The following GSE1 variants were observed in gnomAD, a reference collection of about 807,000 sequenced individuals.
GSE1 encodes Gse1 coiled-coil protein.
In GSE1, 32 loss-of-function variants were observed where a neutral mutation model predicts 112.6. The ratio of observed to expected loss-of-function variants is 0.28; its 90% confidence interval spans 0.21 to 0.38. The LOEUF (loss-of-function observed/expected upper bound fraction) is 0.38, where lower values mean the gene tolerates loss of function less well. GSE1 is among the 10% of genes least tolerant of loss of function. The probability of loss-of-function intolerance (pLI) is 1.00; values close to 1 mark genes in which losing one functional copy is unlikely to be tolerated. For synonymous variants in GSE1, 1,115 were observed against 735.6 expected, an observed-to-expected ratio of 1.52 and a Z score of -8.35; for missense variants, 2,348 against 1,699.2, an observed-to-expected ratio of 1.38 and a Z score of -6.71.
intron 2 of GSE1, among the ~76,000 whole-genome samples, chr16:85,424,662 G>A (rs2048926385): frequency 1.3e-5 from 2 of 152,222 alleles, no homozygotes; most frequent in African/African-American, 4.8e-5. Context: ...GGCTGCTTGG[G>A]AACACCTGCT....
intron 1 of GSE1, among the ~76,000 whole-genome samples, chr16:85,304,945 C>G (rs535306161): frequency 6.6e-6 from 1 of 152,252 alleles, no homozygotes. Flanking sequence ...TGCTTCCTGA[C>G]TGTCCAACCC....
At chr16:85,242,257 C>T (rs75373763) in intron 1 of GSE1, among the ~76,000 whole-genome samples, 37 of 152,352 alleles carry the variant, frequency 2.4e-4, no homozygotes, top group African/African-American at 7.7e-4. Flanking sequence ...CCCCAGCCCC[C>T]CTGCAAGCAG....
At chr16:85,523,986 G>A (rs1176398955) in intron 2 of GSE1, among the ~76,000 whole-genome samples, 1 of 152,178 alleles carries the variant, frequency 6.6e-6, no homozygotes, top group Non-Finnish European at 1.5e-5. Context: ...GAGGGCTTTT[G>A]GGGTGATGCT....
At chr16:85,656,872 G>A (rs1415806175) in intron 7 of GSE1, among the ~76,000 whole-genome samples, 4 of 152,260 alleles carry the variant, frequency 2.6e-5, no homozygotes, top group East Asian at 1.9e-4. Flanking sequence ...ACCCCAGGAG[G>A]ACAGTTGTGA....
At chr16:85,621,356 G>C (rs2048731185) in intron 1 of GSE1, among the ~76,000 whole-genome samples, 1 of 152,250 alleles carries the variant, frequency 6.6e-6, no homozygotes, top group Admixed American at 6.5e-5. Flanking sequence ...AAAAAGGTTT[G>C]TGTCCACCGC....
At chr16:85,334,331 C>T (rs939679825) in intron 1 of GSE1, among the ~76,000 whole-genome samples, 1 of 152,234 alleles carries the variant, frequency 6.6e-6, no homozygotes, top group Non-Finnish European at 1.5e-5. Flanking sequence ...GTCATCCACG[C>T]CTCACAGCAT....
chr16:85,486,922 T>C (rs2050860948), intron 2 of GSE1, among the ~76,000 whole-genome samples: 1 of 152,146 alleles, frequency 6.6e-6, no homozygotes, highest in African/African-American at 2.4e-5. Flanking sequence ...GGCGAAAGTA[T>C]AGTTTTTTAC....
intron 2 of GSE1, among the ~76,000 whole-genome samples, chr16:85,468,389 T>C (rs2050186588): frequency 7.1e-6 from 1 of 141,096 alleles, no homozygotes; most frequent in Non-Finnish European, 1.5e-5. Flanking sequence ...CGACCTTAAC[T>C]CACTGCAACC....
exon 1 of GSE1, chr16:85,171,107 G>T: frequency 1.0e-6 from 1 of 985,670 alleles, no homozygotes; most frequent in Non-Finnish European, 1.2e-6. Context: ...CCCAACAAGC[G>T]CTGTGAAGTC....
At chr16:85,306,629 G>GTGGTA (rs2045686301) in intron 1 of GSE1, among the ~76,000 whole-genome samples, 2 of 152,148 alleles carry the variant, frequency 1.3e-5, no homozygotes, top group Non-Finnish European at 2.9e-5. Flanking sequence ...GCTCACTGCA[G>GTGGTA]CCTCATCCTC....
At chr16:85,181,037 G>C (rs973828524) in intron 1 of GSE1, among the ~76,000 whole-genome samples, 1 of 152,216 alleles carries the variant, frequency 6.6e-6, no homozygotes, top group Admixed American at 6.5e-5. Context: ...AAGAACATGT[G>C]TTTCATGATG....
At chr16:85,319,785 T>G (rs1041160740) in intron 1 of GSE1, among the ~76,000 whole-genome samples, 5 of 152,232 alleles carry the variant, frequency 3.3e-5, no homozygotes, top group Admixed American at 6.5e-5. Context: ...TTATACCTTT[T>G]AGACCTTCTT....
intron 1 of GSE1, among the ~76,000 whole-genome samples, chr16:85,295,443 C>A (rs771332878): frequency 6.6e-6 from 1 of 152,240 alleles, no homozygotes; most frequent in African/African-American, 2.4e-5. Context: ...GCGCGTAGAC[C>A]GCGTCCTTTT....
In GSE1 at chr16:85,661,475, G is replaced by A. The variant is rs756672005; in HGVS notation, c.1970G>A (p.Arg657Gln). 8 of 1,611,668 alleles carry A rather than the reference G, an allele frequency of 5.0e-6. No individual in the cohort carries two copies. Among genetic ancestry groups the A allele is most frequent in the Non-Finnish European group, 5.1e-6 (6 of 1,179,410 alleles). Reference sequence around the variant, plus strand: ...TACCAGCCACCTCCGCCGCCACCACGAGAGGGAGGGAGCCTGGAGCACCAG... The same window carrying A: ...TACCAGCCACCTCCGCCGCCACCACAAGAGGGAGGGAGCCTGGAGCACCAG... ...DKYQPPPPPP[R>Q]EGGSLEHQPF... The change falls in exon 9 of 16, where the codon CGA (arginine) becomes CAA (glutamine). Residue 657 changes from arginine to glutamine, a missense_variant. Transcript: ENST00000253458.
At chr16:85,440,912 C>T (rs2049360172) in intron 2 of GSE1, among the ~76,000 whole-genome samples, 2 of 152,242 alleles carry the variant, frequency 1.3e-5, no homozygotes, top group South Asian at 4.1e-4. Context: ...CCTCACCCAT[C>T]ATGCGGGGCC....
chr16:85,243,457 C>T (rs1055157355), intron 1 of GSE1, among the ~76,000 whole-genome samples: 16 of 152,220 alleles, frequency 1.1e-4, no homozygotes, highest in African/African-American at 3.9e-4. Flanking sequence ...GCATCCCGGC[C>T]TGTGTTGAAG....
In GSE1 at chr16:85,648,614, G is replaced by C; in HGVS notation, c.289G>C (p.Ala97Pro). The C allele has an allele frequency of 1.2e-6, 2 of 1,604,870 alleles. No homozygotes were observed. The highest frequency in any genetic ancestry group is 1.1e-5 in the South Asian group (1 of 90,226). ...SSPATNHSSP[A>P]STPKRVPMGP... ...TCCGGCCACCAACCACAGCTCCCCC[G>C]CCAGCACACCCAAGCGCGTGCCCAT... Residue 97 changes from alanine (A) to proline (P), a missense_variant, in exon 3 of 16, where the codon GCC (alanine) becomes CCC (proline). Physicochemically the swap from Ala to Pro is conservative, Grantham distance 27. Coordinates refer to ENST00000253458, the MANE Select transcript of GSE1 (RefSeq NM_014615.5).
intron 1 of GSE1, among the ~76,000 whole-genome samples, chr16:85,346,467 G>A (rs1336040802): frequency 4.0e-5 from 6 of 151,424 alleles, no homozygotes; most frequent in African/African-American, 1.5e-4. Flanking sequence ...GCTGATGGGT[G>A]GATGATGGAT....
chr16:85,278,566 A>T (rs976903380), intron 1 of GSE1, among the ~76,000 whole-genome samples: 17 of 152,112 alleles, frequency 1.1e-4, no homozygotes, highest in Admixed American at 4.6e-4. Context: ...TACCCCAGAT[A>T]TTTTTCTGTT....
Sources: gnomAD v4.1 joint callset for allele counts (sites outside exome capture counted in the v4.1 genomes callset) on GRCh38, gnomAD v4.1.1 for gene constraint, MANE v1.5 for transcripts, NCBI Gene and HGNC (gene_info 2026-07-23, HGNC 2026-07-21) for gene names.